Variants in KCND3 observed in about 807,000 individuals in gnomAD.
The protein encoded by KCND3 is A-type voltage-gated potassium channel KCND3.
Under a neutral mutation model 51.1 loss-of-function variants are expected in KCND3, and 9 were observed. The ratio of observed to expected loss-of-function variants is 0.18; its 90% CI spans 0.11 to 0.31. KCND3 has a LOEUF of 0.31. Ranked by LOEUF, KCND3 falls within the 10% of genes least tolerant of loss-of-function variation. The pLI is 1.00. For missense variants in KCND3, 526 were observed against 903.8 expected, an observed-to-expected ratio of 0.58 and a Z score of 5.36; for synonymous variants, 349 against 368.0, an observed-to-expected ratio of 0.95 and a Z score of 0.59.
At chr1:111,917,512 T>C (rs956123832) in intron 2 of KCND3, among the ~76,000 whole-genome samples, 8 of 152,164 alleles carry the variant, frequency 5.3e-5, no homozygotes, top group Non-Finnish European at 7.4e-5. Flanking sequence ...GATCTATCCA[T>C]TGATGGAGGT....
At chr1:111,894,918 G>C (rs1571812011) in intron 2 of KCND3, among the ~76,000 whole-genome samples, 1 of 151,982 alleles carries the variant, frequency 6.6e-6, no homozygotes. Flanking sequence ...GCAGGAAGAG[G>C]AAAGAGGAGA....
At chr1:111,935,054 C>T (rs915264037) in intron 2 of KCND3, among the ~76,000 whole-genome samples, 6 of 152,202 alleles carry the variant, frequency 3.9e-5, no homozygotes, top group Non-Finnish European at 7.3e-5. Context: ...GGTCACCAGA[C>T]TTAAAGCCAA....
intron 2 of KCND3, among the ~76,000 whole-genome samples, chr1:111,899,616 A>T (rs1233506787): frequency 6.6e-6 from 1 of 152,064 alleles, no homozygotes; most frequent in Non-Finnish European, 1.5e-5. Context: ...CATTAGTTGT[A>T]CTCTAGACCA....
At chr1:111,789,713 T>A (rs575936920) in intron 2 of KCND3, among the ~76,000 whole-genome samples, 1 of 152,352 alleles carries the variant, frequency 6.6e-6, no homozygotes, top group African/African-American at 2.4e-5. Flanking sequence ...TTGTGAATAC[T>A]TGGAAAATAA....
intron 2 of KCND3, among the ~76,000 whole-genome samples, chr1:111,880,443 G>A (rs1281174115): frequency 6.6e-6 from 1 of 152,198 alleles, no homozygotes; most frequent in Non-Finnish European, 1.5e-5. Context: ...TGGGATGTGA[G>A]GTGAGACCCC....
At chr1:111,823,050 C>T (rs192438007) in intron 2 of KCND3, among the ~76,000 whole-genome samples, 105 of 152,298 alleles carry the variant, frequency 6.9e-4, no homozygotes, top group African/African-American at 2.3e-3. Context: ...GGGGGACCCA[C>T]GGGGTGGCTA....
chr1:111,848,153 C>T (rs747862481), intron 2 of KCND3, among the ~76,000 whole-genome samples: 12 of 152,196 alleles, frequency 7.9e-5, no homozygotes, highest in Non-Finnish European at 1.5e-4. Context: ...ATGGCCCACT[C>T]CTCAGCCACG....
intron 2 of KCND3, among the ~76,000 whole-genome samples, chr1:111,858,085 C>G (rs954990063): frequency 3.9e-5 from 6 of 152,112 alleles, no homozygotes; most frequent in Admixed American, 3.9e-4. Context: ...TACATCTCAG[C>G]GAAAGGCACC....
At chr1:111,842,925 G>A (rs475508) in intron 2 of KCND3, among the ~76,000 whole-genome samples, 60,133 of 152,068 alleles carry the variant, frequency 0.4, 12,198 homozygotes, top group East Asian at 0.65. Flanking sequence ...GAGTATAAAC[G>A]GCATCTTGAG....
rs2101855958 is a variant in KCND3, at chr1:111,929,181, C to T, written c.1106+52440G>A. ...CCAACCAGCCCACGCCCAGACCTTG[C>T]CTGCCTTGTCCCACCTCTGGTACCT... On this transcript the variant is annotated intron_variant, in intron 2 of 7. Coordinates refer to ENST00000302127, the MANE Select transcript of KCND3 (RefSeq NM_001378969.1). Among the ~76,000 whole-genome samples the T allele has an allele frequency of 1.3e-5, 2 of 152,344 alleles. 1 individual carries two copies. Among genetic ancestry groups the T allele is most frequent in the South Asian group, 4.1e-4 (2 of 4,826 alleles).
chr1:111,801,352 G>A (rs761419104), intron 2 of KCND3, among the ~76,000 whole-genome samples: 17 of 152,222 alleles, frequency 1.1e-4, no homozygotes, highest in Non-Finnish European at 2.4e-4. Context: ...GTGGTGAAGC[G>A]TCAAAGTGGA....
intron 2 of KCND3, among the ~76,000 whole-genome samples, chr1:111,839,657 C>G (rs556014787): frequency 2.0e-5 from 3 of 152,222 alleles, no homozygotes; most frequent in African/African-American, 7.2e-5. Flanking sequence ...CCAAATGTGC[C>G]GGCACTAGGC....
intron 2 of KCND3, among the ~76,000 whole-genome samples, chr1:111,945,092 A>T (rs1571884538): frequency 6.6e-6 from 1 of 152,306 alleles, no homozygotes; most frequent in East Asian, 1.9e-4. Flanking sequence ...GTCTTGAACC[A>T]CACAGCCCCA....
intron 2 of KCND3, among the ~76,000 whole-genome samples, chr1:111,976,458 G>C (rs1674630835): frequency 6.6e-6 from 1 of 152,222 alleles, no homozygotes; most frequent in Admixed American, 6.5e-5. Flanking sequence ...ATCGCCAGAA[G>C]ATGGTTATCA....
chr1:111,843,416 C>A lies in KCND3; in HGVS notation c.1107-56310G>T, dbSNP rs943187185. Among the ~76,000 whole-genome samples, 4 of 152,218 alleles carry A rather than the reference C, an allele frequency of 2.6e-5. No individual in the cohort carries two copies. The East Asian group carries it at 5.8e-4, about 22-fold the overall frequency. On this transcript the variant is annotated intron_variant, in intron 2 of 7. Coordinates refer to ENST00000302127, the MANE Select transcript of KCND3 (RefSeq NM_001378969.1). ...GCCCAGTCCCTCCAGATGGCATGGG[C>A]CCCAAGCTCCCTGTTTCTAGAAAGT...
intron 2 of KCND3, among the ~76,000 whole-genome samples, chr1:111,809,006 G>A (rs1244639121): frequency 1.3e-5 from 2 of 152,196 alleles, no homozygotes; most frequent in African/African-American, 2.4e-5. Context: ...GCCAGACCAG[G>A]GCCAGTGACC....
intron 5 of KCND3, among the ~76,000 whole-genome samples, chr1:111,779,432 C>T (rs1664276004): frequency 6.6e-6 from 1 of 152,174 alleles, no homozygotes; most frequent in Non-Finnish European, 1.5e-5. Flanking sequence ...TGACTATAGA[C>T]TCTTTGGGGA....
At chr1:111,932,173 G>A (rs1363954980) in intron 2 of KCND3, among the ~76,000 whole-genome samples, 1 of 152,116 alleles carries the variant, frequency 6.6e-6, no homozygotes, top group South Asian at 2.1e-4. Flanking sequence ...GATAACCCAG[G>A]AAACTCTCCC....
intron 2 of KCND3, among the ~76,000 whole-genome samples, chr1:111,875,750 C>T (rs1221694298): frequency 1.3e-5 from 2 of 152,238 alleles, no homozygotes; most frequent in African/African-American, 4.8e-5. Flanking sequence ...TCCCTGGACT[C>T]GGGGCCTCCA....
Sources: allele counts gnomAD v4.1 joint callset (sites outside exome capture counted in the v4.1 genomes callset), GRCh38; gene constraint gnomAD v4.1.1; transcripts MANE v1.5; gene names NCBI Gene and HGNC (gene_info 2026-07-23, HGNC 2026-07-21).